The following CNTN5 variants were observed in gnomAD, a reference collection of about 807,000 sequenced individuals.
The protein encoded by CNTN5 is contactin 5, also known as contactin-5.
In CNTN5, 77 loss-of-function variants were observed where a neutral mutation model predicts 129.1. That is an observed-to-expected ratio of 0.60 (90% confidence interval 0.50 to 0.72). The LOEUF (loss-of-function observed/expected upper bound fraction) is 0.72. Among genes scored for constraint, CNTN5 ranks in the 30% least tolerant of loss-of-function variants. The pLI, the probability that CNTN5 is intolerant of heterozygous loss-of-function variation, is 0.00. For missense variants in CNTN5, 1,478 were observed against 1,328.8 expected (o/e 1.11, Z -1.75); for synonymous variants, 509 against 465.6 (o/e 1.09, Z -1.20).
intron 6 of CNTN5, among the ~76,000 whole-genome samples, chr11:99,878,487 A>T (rs1203732726): frequency 1.3e-5 from 2 of 152,228 alleles, no homozygotes; most frequent in Admixed American, 6.5e-5. Context: ...ACATTGTAAA[A>T]AAAACTACAG....
intron 1 of CNTN5, among the ~76,000 whole-genome samples, chr11:99,321,657 C>T (rs930817469): frequency 3.9e-5 from 6 of 152,098 alleles, no homozygotes; most frequent in Admixed American, 3.3e-4. Flanking sequence ...GGGAAACCCA[C>T]ACCTAAGATA....
rs537931740 is a variant in CNTN5 at position 99,027,100 on chromosome 11, GT to G, written c.-210+5840del. ...CCAGCTACATCAAATGACAGAAGGG[GT>G]TTTTTTTTTGACAGTTTTAATTATG... On this transcript the variant is annotated intron_variant, in intron 1 of 24. Coordinates refer to ENST00000524871, the MANE Select transcript of CNTN5 (RefSeq NM_014361.4). 5.4e-3 allele frequency among the ~76,000 whole-genome samples: 796 copies of G among 147,804 alleles called. 9 individuals carry two copies. Among genetic ancestry groups the G allele is most frequent in the African/African-American group, 0.016 (661 of 40,552 alleles).
At chr11:99,854,367 C>T (rs545533435) in intron 6 of CNTN5, among the ~76,000 whole-genome samples, 1 of 152,204 alleles carries the variant, frequency 6.6e-6, no homozygotes, top group East Asian at 1.9e-4. Flanking sequence ...CAGAGGACAC[C>T]AAAGAATAAG....
At chr11:99,607,964 G>T (rs574437536) in intron 3 of CNTN5, among the ~76,000 whole-genome samples, 4,196 of 115,280 alleles carry the variant, frequency 0.036, 102 homozygotes, top group South Asian at 0.08. Context: ...GTCGGGGGAG[G>T]GGGGAGGGAT....
At chr11:99,951,002 A>C (rs1014741362) in intron 7 of CNTN5, among the ~76,000 whole-genome samples, 1 of 152,154 alleles carries the variant, frequency 6.6e-6, no homozygotes, top group African/African-American at 2.4e-5. Flanking sequence ...AATAATAACT[A>C]TATTTCTGTA....
At chr11:100,290,497 G>C (rs1313544014) in intron 18 of CNTN5, among the ~76,000 whole-genome samples, 1 of 145,918 alleles carries the variant, frequency 6.9e-6, no homozygotes, top group Non-Finnish European at 1.5e-5. Flanking sequence ...ACAAAAACAA[G>C]CAATGGGGAA....
chr11:100,012,483 ATG>A (rs897732343), intron 9 of CNTN5, among the ~76,000 whole-genome samples: 48 of 152,288 alleles, frequency 3.2e-4, no homozygotes, highest in African/African-American at 1.0e-3. Flanking sequence ...GAGAGGTGTT[ATG>A]TGTTTTCAGG....
intron 1 of CNTN5, among the ~76,000 whole-genome samples, chr11:99,105,864 T>C (rs1866969896): frequency 6.6e-6 from 1 of 152,126 alleles, no homozygotes; most frequent in Admixed American, 6.5e-5. Flanking sequence ...CAAGTTAACT[T>C]GGAGTGTGCT....
At chr11:99,861,781 A>G (rs1310016690) in intron 6 of CNTN5, among the ~76,000 whole-genome samples, 2 of 152,170 alleles carry the variant, frequency 1.3e-5, no homozygotes, top group African/African-American at 4.8e-5. Flanking sequence ...TGTTGTACTC[A>G]CCTTAAAAGA....
rs71050010 is a variant in CNTN5, at chr11:99,639,559, G to GTTTTTTT, written c.55+83307_55+83313dup. Among the ~76,000 whole-genome samples, 122 of 70,292 alleles carry GTTTTTTT rather than the reference G, an allele frequency of 1.7e-3. 11 individuals are homozygous for GTTTTTTT. Among genetic ancestry groups the GTTTTTTT allele is most frequent in the South Asian group, 2.4e-3 (4 of 1,636 alleles). The allele number at this position is 70,292 out of a possible 152,430, so 46.1% of individuals were successfully genotyped here. Reference sequence around the variant, plus strand: ...TTAACAGCACCCAAGTCACCTTTATGTTTTTTTTTTTTTTTTTTTTTTTGA... The same window carrying GTTTTTTT: ...TTAACAGCACCCAAGTCACCTTTATGTTTTTTTTTTTTTTTTTTTTTTTTTTTTTTGA... On this transcript the variant is annotated intron_variant, in intron 3 of 24. Coordinates refer to ENST00000524871, the MANE Select transcript of CNTN5 (RefSeq NM_014361.4).
chr11:99,454,779 A>G (rs948839128), intron 2 of CNTN5, among the ~76,000 whole-genome samples: 2 of 152,164 alleles, frequency 1.3e-5, no homozygotes, highest in African/African-American at 4.8e-5. Context: ...ATAAATTTTT[A>G]AAAATGTAAC....
intron 1 of CNTN5, among the ~76,000 whole-genome samples, chr11:99,200,713 G>C (rs1370051820): frequency 3.9e-5 from 6 of 152,144 alleles, no homozygotes; most frequent in Non-Finnish European, 8.8e-5. Context: ...ACAGGAGCTG[G>C]TGCATAAGGA....
chr11:99,415,308 G>A (rs138113213), intron 2 of CNTN5, among the ~76,000 whole-genome samples: 1 of 146,168 alleles, frequency 6.8e-6, no homozygotes, highest in East Asian at 1.9e-4. Flanking sequence ...GTAGAAATGT[G>A]ACTGGATAAA....
chr11:99,527,167 A>G (rs978014374), intron 2 of CNTN5, among the ~76,000 whole-genome samples: 9 of 152,224 alleles, frequency 5.9e-5, no homozygotes, highest in African/African-American at 1.7e-4. Context: ...CTCTCCTGCT[A>G]GCTAGTTTAG....
chr11:99,582,948 T>A (rs922006986), intron 3 of CNTN5, among the ~76,000 whole-genome samples: 1 of 152,210 alleles, frequency 6.6e-6, no homozygotes, highest in African/African-American at 2.4e-5. Flanking sequence ...TCCCCATCTT[T>A]GTGGTTTTAT....
At chr11:100,335,603 A>C (rs981574691) in intron 21 of CNTN5, among the ~76,000 whole-genome samples, 1 of 152,128 alleles carries the variant, frequency 6.6e-6, no homozygotes. Flanking sequence ...CCTCGTCTCT[A>C]TTAAAAATAC....
intron 6 of CNTN5, among the ~76,000 whole-genome samples, chr11:99,885,564 A>G (rs1948880749): frequency 6.6e-6 from 1 of 152,202 alleles, no homozygotes; most frequent in Non-Finnish European, 1.5e-5. Context: ...AAGGATTAAA[A>G]TTTTTATCTC....
At chr11:99,236,322 G>T (rs1448444136) in intron 1 of CNTN5, among the ~76,000 whole-genome samples, 1 of 152,162 alleles carries the variant, frequency 6.6e-6, no homozygotes, top group Middle Eastern at 3.4e-3. Context: ...AAGTACCAAT[G>T]TATAGATAAG....
intron 6 of CNTN5, among the ~76,000 whole-genome samples, chr11:99,884,188 A>T (rs78268792): frequency 6.6e-6 from 1 of 152,244 alleles, no homozygotes; most frequent in African/African-American, 2.4e-5. Flanking sequence ...CATGAACTAT[A>T]TATGAAATAA....
Sources: gnomAD v4.1 joint callset for allele counts (sites outside exome capture counted in the v4.1 genomes callset) on GRCh38, gnomAD v4.1.1 for gene constraint, MANE v1.5 for transcripts, NCBI Gene and HGNC (gene_info 2026-07-23, HGNC 2026-07-21) for gene names.